The following FER1L6 variants were observed in gnomAD, a reference collection of about 807,000 sequenced individuals.
The protein encoded by FER1L6 is fer-1-like protein 6.
FER1L6 carries 177 observed loss-of-function variants against 219.2 expected under a neutral mutation model. That is an observed-to-expected ratio of 0.81 (90% CI 0.71 to 0.91). FER1L6 has a LOEUF of 0.91. FER1L6 is among the 40% of genes least tolerant of loss of function. FER1L6 has a pLI of 0.00. For synonymous variants in FER1L6, 768 were observed against 824.3 expected, an observed-to-expected ratio of 0.93 and a Z score of 1.17; for missense variants, 2,153 against 2,259.9, an observed-to-expected ratio of 0.95 and a Z score of 0.96.
chr8:124,096,470 C>G (rs1201949732), intron 35 of FER1L6, among the ~76,000 whole-genome samples: 1 of 152,160 alleles, frequency 6.6e-6, no homozygotes, highest in Non-Finnish European at 1.5e-5. Context: ...ATCATCCCAA[C>G]CCATATCCCT....
chr8:124,014,437 C>T (rs1818085730), intron 15 of FER1L6: 1 of 152,822 alleles, frequency 6.5e-6, no homozygotes, highest in South Asian at 2.1e-4. Flanking sequence ...GTTGGTTGGT[C>T]TTTCCTGGTT....
chr8:123,984,331 T>C (rs1486469445), intron 11 of FER1L6: 4 of 152,232 alleles, frequency 2.6e-5, no homozygotes, highest in Non-Finnish European at 5.9e-5. Context: ...AGGGTTTGTT[T>C]GTCTGACTCT....
chr8:123,946,933 CACA>C (rs1443205300), intron 1 of FER1L6, among the ~76,000 whole-genome samples: 2 of 152,072 alleles, frequency 1.3e-5, no homozygotes, highest in South Asian at 2.1e-4. Flanking sequence ...GTGCTTGGAA[CACA>C]ACAAGGCTCT....
At chr8:123,911,840 A>T (rs768999159) in intron 1 of FER1L6, among the ~76,000 whole-genome samples, 6 of 152,228 alleles carry the variant, frequency 3.9e-5, no homozygotes, top group Non-Finnish European at 8.8e-5. Context: ...TTGAATTTCC[A>T]TGCTCTTGTG....
intron 25 of FER1L6, 68 bp from the exon 26 acceptor site, chr8:124,064,278 TA>T (rs1372075286): frequency 8.6e-7 from 1 of 1,159,022 alleles, no homozygotes; most frequent in East Asian, 2.3e-5. Context: ...TGATTCCTAG[TA>T]TTAGGTCCCT....
intron 1 of FER1L6, among the ~76,000 whole-genome samples, chr8:123,930,033 A>C (rs1813711177): frequency 6.6e-6 from 1 of 151,858 alleles, no homozygotes; most frequent in Non-Finnish European, 1.5e-5. Context: ...CGTAGATAAC[A>C]TGCAGTTGTA....
intron 39 of FER1L6, among the ~76,000 whole-genome samples, chr8:124,104,632 G>A (rs13269044): frequency 0.81 from 122,811 of 152,190 alleles, 49,811 homozygotes; most frequent in Non-Finnish European, 0.86. Flanking sequence ...AGCACAGTAC[G>A]AGGTTGACAA....
At chr8:123,907,572 G>A (rs1345531763) in intron 1 of FER1L6, among the ~76,000 whole-genome samples, 1 of 151,508 alleles carries the variant, frequency 6.6e-6, no homozygotes, top group African/African-American at 2.4e-5. Flanking sequence ...TGTTTCTCTG[G>A]CCATTATCTA....
chr8:124,107,181 C>G (rs1411594670), intron 39 of FER1L6, among the ~76,000 whole-genome samples: 1 of 152,010 alleles, frequency 6.6e-6, no homozygotes, highest in Non-Finnish European at 1.5e-5. Context: ...ATCTCCTGAC[C>G]TTGTGATCCG....
intron 1 of FER1L6, among the ~76,000 whole-genome samples, chr8:123,936,195 C>G (rs182963382): frequency 6.6e-6 from 1 of 152,068 alleles, no homozygotes; most frequent in African/African-American, 2.4e-5. Context: ...ACGGTCCATA[C>G]GCTTTTAAAT....
chr8:123,977,388 G>T, intron 9 of FER1L6, 29 bp from the exon 10 acceptor site: 1 of 1,599,302 alleles, frequency 6.3e-7, no homozygotes, highest in South Asian at 1.1e-5. Context: ...TCCCTTCCAT[G>T]ACTCATGTCC....
At chr8:124,090,500 T>C (rs981358125) in intron 33 of FER1L6, among the ~76,000 whole-genome samples, 2 of 152,242 alleles carry the variant, frequency 1.3e-5, no homozygotes. Context: ...AAGACAAGCA[T>C]GCCTATTTCT....
intron 9 of FER1L6, 117 bp downstream of exon 9, chr8:123,976,201 T>C (rs1816065319): frequency 1.1e-6 from 1 of 931,682 alleles, no homozygotes; most frequent in Admixed American, 2.9e-5. Context: ...AGCAAAAGCT[T>C]GTTACAAAAA....
chr8:124,097,124 A>T, intron 35 of FER1L6, 147 bp from the exon 36 acceptor site: 1 of 418,808 alleles, frequency 2.4e-6, no homozygotes, highest in Non-Finnish European at 4.3e-6. Flanking sequence ...TTGTCAACAG[A>T]TACGCTAAAT....
intron 1 of FER1L6, among the ~76,000 whole-genome samples, chr8:123,855,598 G>A (rs1816618716): frequency 6.6e-6 from 1 of 151,184 alleles, no homozygotes; most frequent in Admixed American, 6.6e-5. Flanking sequence ...TGGGCCGGCT[G>A]TCTTCCCACT....
At chr8:123,888,693 C>G (rs1183455590) in intron 1 of FER1L6, among the ~76,000 whole-genome samples, 1 of 152,138 alleles carries the variant, frequency 6.6e-6, no homozygotes, top group Non-Finnish European at 1.5e-5. Flanking sequence ...CCTGGATCAC[C>G]TATTTGGGTT....
chr8:123,950,576 T>C (rs983055543), intron 1 of FER1L6, among the ~76,000 whole-genome samples: 2 of 152,208 alleles, frequency 1.3e-5, no homozygotes, highest in Non-Finnish European at 2.9e-5. Flanking sequence ...GAAGAGGAAT[T>C]AATTAGCATC....
At chr8:124,069,294 A>G in intron 28 of FER1L6, 66 bp from the exon 29 acceptor site, 1 of 1,169,870 alleles carries the variant, frequency 8.5e-7, no homozygotes, top group Admixed American at 1.8e-5. Context: ...GGAAAGAAGG[A>G]GCTTGGCTTT....
chr8:123,983,943 A>T (rs895065687), intron 11 of FER1L6, among the ~76,000 whole-genome samples: 10 of 152,310 alleles, frequency 6.6e-5, no homozygotes, highest in Admixed American at 3.3e-4. Context: ...TTCAGGATAT[A>T]GTGTGGGCAA....
Sources: gnomAD v4.1 joint callset for allele counts (sites outside exome capture counted in the v4.1 genomes callset) on GRCh38, gnomAD v4.1.1 for gene constraint, MANE v1.5 for transcripts, NCBI Gene and HGNC (gene_info 2026-07-23, HGNC 2026-07-21) for gene names.